The following CNTN6 variants were observed in gnomAD, a reference collection of about 807,000 sequenced individuals.
CNTN6 encodes contactin-6.
A neutral mutation model predicts 122.8 loss-of-function variants in CNTN6; 137 were observed. The ratio of observed to expected loss-of-function variants is 1.12; its 90% confidence interval spans 0.97 to 1.29. CNTN6 has a LOEUF of 1.29. CNTN6 is among the 50% of genes most tolerant of loss of function. CNTN6 has a pLI of 0.00. For synonymous variants in CNTN6, 570 were observed against 426.0 expected (o/e 1.34, Z -4.16); for missense variants, 1,634 against 1,223.4 (o/e 1.34, Z -5.01).
chr3:1,159,679 T>TA (rs1174363016), intron 2 of CNTN6, among the ~76,000 whole-genome samples: 3 of 151,984 alleles, frequency 2.0e-5, no homozygotes, highest in Admixed American at 2.0e-4. Flanking sequence ...ACAGAACAAT[T>TA]AATCTATATA....
chr3:1,356,862 G>T (rs1361950187), intron 12 of CNTN6, among the ~76,000 whole-genome samples: 1 of 151,828 alleles, frequency 6.6e-6, no homozygotes, highest in East Asian at 1.9e-4. Flanking sequence ...AAAATTTCCT[G>T]TTCCAATATT....
At chr3:1,396,611 A>T (rs189101167) in intron 20 of CNTN6, among the ~76,000 whole-genome samples, 30 of 152,370 alleles carry the variant, frequency 2.0e-4, no homozygotes, top group Non-Finnish European at 3.2e-4. Flanking sequence ...GCTGTCATAC[A>T]TCAAGGCTCA....
intron 4 of CNTN6, among the ~76,000 whole-genome samples, chr3:1,246,299 A>G (rs893052108): frequency 4.6e-5 from 7 of 152,180 alleles, no homozygotes; most frequent in African/African-American, 1.7e-4. Flanking sequence ...ATCATGCAAT[A>G]TATAATATAT....
chr3:1,361,384 C>A (rs914725845), intron 12 of CNTN6, among the ~76,000 whole-genome samples: 2 of 152,156 alleles, frequency 1.3e-5, no homozygotes, highest in South Asian at 4.1e-4. Context: ...TCTAATGGTT[C>A]TTCAGTTTGG....
chr3:1,357,204 T>C (rs1044429185), intron 12 of CNTN6, among the ~76,000 whole-genome samples: 2 of 151,910 alleles, frequency 1.3e-5, no homozygotes, highest in Non-Finnish European at 2.9e-5. Context: ...GTCAAAGTTT[T>C]GTTTAATTTT....
intron 2 of CNTN6, among the ~76,000 whole-genome samples, chr3:1,156,435 G>T (rs2125215517): frequency 6.6e-6 from 1 of 152,176 alleles, no homozygotes; most frequent in East Asian, 1.9e-4. Flanking sequence ...TGTAACTGTA[G>T]AATTCTTAGT....
At position 1,157,136 on chromosome 3, in the gene CNTN6, G is replaced by T. The variant is rs1026652110; in HGVS notation, c.55+9073G>T. Among the ~76,000 whole-genome samples the T allele has an allele frequency of 2.0e-5, 3 of 151,272 alleles. No individual in the cohort carries two copies. In the East Asian group the frequency reaches 5.8e-4, roughly 29 times the overall value. ...TGCATAATCGCAATAGGGAAACTGG[G>T]GTATCCAGTCCCTTAAGCATTTATC... On this transcript the variant is annotated intron_variant, in intron 2 of 22. Coordinates refer to ENST00000446702, the MANE Select transcript of CNTN6 (RefSeq NM_001289080.2).
At chr3:1,124,408 A>T (rs2092081330) in intron 1 of CNTN6, among the ~76,000 whole-genome samples, 1 of 151,782 alleles carries the variant, frequency 6.6e-6, no homozygotes, top group Non-Finnish European at 1.5e-5. Context: ...CTCCAACCAC[A>T]CTGAACCTCA....
chr3:1,316,940 T>C (rs1384309514), intron 7 of CNTN6, among the ~76,000 whole-genome samples: 1 of 151,918 alleles, frequency 6.6e-6, no homozygotes, highest in Non-Finnish European at 1.5e-5. Context: ...GAAGTGGGAA[T>C]TGCTCATTAA....
At chr3:1,387,519 G>C (rs568466766) in intron 20 of CNTN6, among the ~76,000 whole-genome samples, 6 of 152,332 alleles carry the variant, frequency 3.9e-5, no homozygotes, top group South Asian at 2.1e-4. Flanking sequence ...TTTAGTTCTA[G>C]TTGACTGAGA....
intron 12 of CNTN6, among the ~76,000 whole-genome samples, chr3:1,361,955 C>G (rs928974500): frequency 6.6e-6 from 1 of 152,048 alleles, no homozygotes; most frequent in African/African-American, 2.4e-5. Context: ...GAAAACATCT[C>G]AGCAGAAATT....
Position 1,325,828 on chromosome 3 carries a change from G to C in CNTN6, c.960G>C (p.Trp320Cys), listed in dbSNP as rs1701458134. ...TTTTTGAAACAGCTCCTCCAGAATG[G>C]GAACAGAAAATCCAAAATACACACC... ...GQLIFYAPPE[W>C]EQKIQNTHLS... Residue 320 changes from tryptophan to cysteine, a missense_variant, in exon 9 of 23, where the codon TGG (tryptophan) becomes TGC (cysteine). Coordinates refer to ENST00000446702, the MANE Select transcript of CNTN6 (RefSeq NM_001289080.2). 6.2e-7 allele frequency: 1 copy of C among 1,610,220 alleles called. No homozygotes were observed. Among genetic ancestry groups the C allele is most frequent in the Admixed American group, 1.7e-5 (1 of 59,506 alleles).
At chr3:1,122,946 T>C (rs904959658) in intron 1 of CNTN6, among the ~76,000 whole-genome samples, 2 of 151,772 alleles carry the variant, frequency 1.3e-5, no homozygotes, top group African/African-American at 4.8e-5. Flanking sequence ...TTATTTAGGG[T>C]ATATACCTGG....
chr3:1,287,206 A>G (rs1183213058), intron 5 of CNTN6, among the ~76,000 whole-genome samples: 1 of 152,182 alleles, frequency 6.6e-6, no homozygotes, highest in Non-Finnish European at 1.5e-5. Flanking sequence ...TCAGCTCTGC[A>G]CCAAGCAGAT....
chr3:1,255,709 T>C (rs1559626003), intron 4 of CNTN6, among the ~76,000 whole-genome samples: 1 of 152,102 alleles, frequency 6.6e-6, no homozygotes, highest in Admixed American at 6.6e-5. Context: ...GGTCTCACTC[T>C]ATTGCCCAGC....
chr3:1,225,510 C>T (rs1042005544), intron 3 of CNTN6, among the ~76,000 whole-genome samples: 5 of 152,118 alleles, frequency 3.3e-5, no homozygotes, highest in Admixed American at 2.6e-4. Flanking sequence ...GCGGTTATTT[C>T]AGTGATTGAT....
chr3:1,249,756 A>G (rs1351782533), intron 4 of CNTN6, among the ~76,000 whole-genome samples: 3 of 152,200 alleles, frequency 2.0e-5, no homozygotes, highest in East Asian at 1.9e-4. Flanking sequence ...AATCCCATCC[A>G]AACAAGCTAC....
intron 2 of CNTN6, among the ~76,000 whole-genome samples, chr3:1,177,777 T>A (rs540115437): frequency 1.3e-5 from 2 of 152,122 alleles, no homozygotes; most frequent in South Asian, 4.1e-4. Flanking sequence ...TTTCGGTATA[T>A]ATGTATAAAT....
chr3:1,325,452 A>G (rs1701397755), intron 8 of CNTN6, among the ~76,000 whole-genome samples: 1 of 151,878 alleles, frequency 6.6e-6, no homozygotes, highest in African/African-American at 2.4e-5. Flanking sequence ...GATTTATTCC[A>G]CAGGTTCAGA....
Sources: gnomAD v4.1 joint callset for allele counts (sites outside exome capture counted in the v4.1 genomes callset) on GRCh38, gnomAD v4.1.1 for gene constraint, MANE v1.5 for transcripts, NCBI Gene and HGNC (gene_info 2026-07-23, HGNC 2026-07-21) for gene names.